The following PALLD variants were observed in gnomAD, a reference collection of about 807,000 sequenced individuals.
PALLD encodes palladin, cytoskeletal associated protein, also known as palladin.
PALLD carries 61 observed loss-of-function variants against 123.5 expected under a neutral mutation model. The ratio of observed to expected loss-of-function variants is 0.49; its 90% CI spans 0.40 to 0.61. The LOEUF (loss-of-function observed/expected upper bound fraction) is 0.61, where lower values mean the gene tolerates loss of function less well. PALLD is among the 20% of genes least tolerant of loss of function. The probability of loss-of-function intolerance (pLI) is 0.00; values close to 1 mark genes in which losing one functional copy is unlikely to be tolerated. For synonymous variants in PALLD, 465 were observed against 496.4 expected, an observed-to-expected ratio of 0.94 and a Z score of 0.84; for missense variants, 1,273 against 1,377.0, an observed-to-expected ratio of 0.92 and a Z score of 1.20.
At chr4:168,511,382 A>T in intron 1 of PALLD, 41 bp from the exon 2 acceptor site, 1 of 719,800 alleles carries the variant, frequency 1.4e-6, no homozygotes, top group Admixed American at 2.4e-5. Context: ...AAAATGGGGA[A>T]AAAATCATTG....
At chr4:168,798,099 G>T (rs982915636) in intron 10 of PALLD, among the ~76,000 whole-genome samples, 2 of 152,116 alleles carry the variant, frequency 1.3e-5, no homozygotes, top group Admixed American at 1.3e-4. Flanking sequence ...TAGAGCCAAG[G>T]CTCAGGGTTT....
chr4:168,534,780 T>C lies in PALLD; in HGVS notation c.908+22368T>C, dbSNP rs950229424. Among the ~76,000 whole-genome samples the C allele has an allele frequency of 4.6e-5, 7 of 152,342 alleles. No individual in the cohort carries two copies. The South Asian group carries it at 1.4e-3, about 32-fold the overall frequency. On this transcript the variant is annotated intron_variant, in intron 2 of 21. Coordinates refer to ENST00000505667, the MANE Select transcript of PALLD (RefSeq NM_001166108.2). ...CCACAGGGGCACCAATTCTGTCTTATTTTCCTTTGAATCCTCTATAGCTAC... is the reference window on the plus strand; with the variant it reads ...CCACAGGGGCACCAATTCTGTCTTACTTTCCTTTGAATCCTCTATAGCTAC...
At chr4:168,642,803 A>G (rs1266242558) in intron 2 of PALLD, among the ~76,000 whole-genome samples, 1 of 152,224 alleles carries the variant, frequency 6.6e-6, no homozygotes, top group Non-Finnish European at 1.5e-5. Context: ...CTGGCAGCAA[A>G]TCCCAACACA....
chr4:168,871,924 G>C (rs1186395219), intron 10 of PALLD, among the ~76,000 whole-genome samples: 1 of 152,160 alleles, frequency 6.6e-6, no homozygotes, highest in Non-Finnish European at 1.5e-5. Context: ...GAGCCAAAGT[G>C]ACCATTTACC....
intron 2 of PALLD, among the ~76,000 whole-genome samples, chr4:168,653,632 A>G (rs1331236077): frequency 6.6e-6 from 1 of 152,244 alleles, no homozygotes; most frequent in East Asian, 1.9e-4. Context: ...GATCCACAAG[A>G]CAACCTTTGA....
chr4:168,749,732 C>T (rs1333728037), intron 10 of PALLD, among the ~76,000 whole-genome samples: 1 of 152,048 alleles, frequency 6.6e-6, no homozygotes, highest in Non-Finnish European at 1.5e-5. Flanking sequence ...TAATTTCAAC[C>T]TTTATTTTAG....
intron 2 of PALLD, among the ~76,000 whole-genome samples, chr4:168,576,506 G>A (rs1056414234): frequency 2.6e-5 from 4 of 151,912 alleles, no homozygotes; most frequent in African/African-American, 9.7e-5. Context: ...TTGTCCTTGC[G>A]ATAGTTTGCT....
At chr4:168,517,852 G>T (rs191820262) in intron 2 of PALLD, among the ~76,000 whole-genome samples, 1 of 152,232 alleles carries the variant, frequency 6.6e-6, no homozygotes, top group Admixed American at 6.5e-5. Flanking sequence ...AAAAAATCCT[G>T]ACAATACACG....
intron 2 of PALLD, among the ~76,000 whole-genome samples, chr4:168,635,501 A>G (rs1298545205): frequency 6.6e-6 from 1 of 152,226 alleles, no homozygotes; most frequent in Admixed American, 6.5e-5. Context: ...AGTATCTATT[A>G]TCACTTCACT....
intron 12 of PALLD, among the ~76,000 whole-genome samples, chr4:168,895,510 G>A (rs1423977464): frequency 1.3e-5 from 2 of 152,222 alleles, no homozygotes; most frequent in African/African-American, 4.8e-5. Context: ...TATGTTATAT[G>A]TATTATAGAC....
chr4:168,526,403 T>C (rs1482486517), intron 2 of PALLD, among the ~76,000 whole-genome samples: 2 of 152,238 alleles, frequency 1.3e-5, no homozygotes, highest in Non-Finnish European at 2.9e-5. Context: ...GGTTGAAATG[T>C]TAAACCTTCT....
intron 10 of PALLD, chr4:168,832,019 G>A (rs1744286280): frequency 1.1e-5 from 11 of 985,302 alleles, no homozygotes; most frequent in African/African-American, 1.7e-5. Context: ...TTTGAAGGGC[G>A]GCGGGTGAAG....
chr4:168,539,138 A>T (rs1358870154), intron 2 of PALLD, among the ~76,000 whole-genome samples: 1 of 152,186 alleles, frequency 6.6e-6, no homozygotes. Flanking sequence ...ATTTTGTTTC[A>T]TCCTTACTAC....
In PALLD at chr4:168,844,571, C is replaced by G. The variant is rs1746525652; in HGVS notation, c.1965-46351C>G. On this transcript the variant is annotated intron_variant, in intron 10 of 21. Transcript: ENST00000505667. This position sits in a 1 kb window ranked among gnomAD's most constrained non-coding sequence, Gnocchi z 4.5. ...CTCGTCAAAAACTGTGCCATCAGCG[C>G]AAGACCCTGTGATTTCTGTGGTATT... The G allele has an allele frequency of 6.6e-6, 1 of 152,136 alleles. No individual in the cohort carries two copies. The highest frequency in any genetic ancestry group is 1.5e-5 in the Non-Finnish European group (1 of 68,046). The allele number at this position is 152,136 out of a possible 1,614,324, so 9.4% of individuals were successfully genotyped here. A position where few individuals can be genotyped will look rare whatever the true frequency, so the allele number is the denominator to read the frequency against.
intron 10 of PALLD, among the ~76,000 whole-genome samples, chr4:168,748,432 G>A (rs1730600152): frequency 6.6e-6 from 1 of 152,202 alleles, no homozygotes; most frequent in Admixed American, 6.5e-5. Flanking sequence ...TATAGGGGGT[G>A]AATATATCAA....
chr4:168,914,446 A>G (rs774722922), intron 16 of PALLD, among the ~76,000 whole-genome samples: 2 of 152,122 alleles, frequency 1.3e-5, no homozygotes, highest in Non-Finnish European at 2.9e-5. Context: ...GTTAATGTTC[A>G]TTTTTCAGCC....
At chr4:168,828,990 A>T (rs1743815305) in intron 10 of PALLD, 1 of 152,260 alleles carries the variant, frequency 6.6e-6, no homozygotes, top group South Asian at 2.1e-4. Flanking sequence ...GAAGGAGAAG[A>T]CTTGATCAGA....
At chr4:168,858,549 A>G (rs1470758939) in intron 10 of PALLD, among the ~76,000 whole-genome samples, 1 of 151,848 alleles carries the variant, frequency 6.6e-6, no homozygotes, top group Non-Finnish European at 1.5e-5. Context: ...TTGGGAGGCC[A>G]ACTCAGGAGA....
chr4:168,818,291 A>G (rs1742252318), intron 10 of PALLD, among the ~76,000 whole-genome samples: 3 of 152,154 alleles, frequency 2.0e-5, no homozygotes, highest in South Asian at 4.1e-4. Context: ...CAATTTAACA[A>G]TAGATGTCAA....
Sources: allele counts gnomAD v4.1 joint callset (sites outside exome capture counted in the v4.1 genomes callset), GRCh38; gene constraint gnomAD v4.1.1; non-coding constraint Gnocchi (gnomAD v3.1); transcripts MANE v1.5; gene names NCBI Gene and HGNC (gene_info 2026-07-23, HGNC 2026-07-21).